TAFA5: variants seen among roughly 807,000 people sequenced by gnomAD.
TAFA5 encodes chemokine-like protein TAFA-5.
A neutral mutation model predicts 15.3 loss-of-function variants in TAFA5; 6 were observed. That is an observed-to-expected ratio of 0.39 (90% CI 0.21 to 0.77). TAFA5 has a LOEUF of 0.77. TAFA5 is among the 30% of genes least tolerant of loss of function. The pLI, the probability that TAFA5 is intolerant of heterozygous loss-of-function variation, is 0.41. For synonymous variants in TAFA5, 103 were observed against 80.7 expected (o/e 1.28, Z -1.48); for missense variants, 161 against 193.1 (o/e 0.83, Z 0.98).
chr22:48,693,365 C>A, intron 2 of TAFA5: 1 of 1,612,602 alleles, frequency 6.2e-7, no homozygotes, highest in Non-Finnish European at 8.5e-7. Flanking sequence ...AAATGTACCA[C>A]CACCGGGAAT....
chr22:48,746,419 A>G (rs1031236231), intron 3 of TAFA5, among the ~76,000 whole-genome samples: 4 of 152,212 alleles, frequency 2.6e-5, no homozygotes. Context: ...GCTTGAGCCC[A>G]GGAGTTCAAG....
intron 2 of TAFA5, among the ~76,000 whole-genome samples, chr22:48,705,893 G>T (rs1188572961): frequency 6.6e-6 from 1 of 152,218 alleles, no homozygotes; most frequent in Non-Finnish European, 1.5e-5. Context: ...CAGGTATCCT[G>T]GGGAACTACA....
chr22:48,697,182 C>T (rs1004532212), intron 2 of TAFA5, among the ~76,000 whole-genome samples: 1 of 152,198 alleles, frequency 6.6e-6, no homozygotes, highest in African/African-American at 2.4e-5. Context: ...TATTATCCCT[C>T]TCTGAACCCC....
chr22:48,695,263 C>G (rs1188325735), intron 2 of TAFA5, among the ~76,000 whole-genome samples: 4 of 152,158 alleles, frequency 2.6e-5, no homozygotes, highest in African/African-American at 4.8e-5. Flanking sequence ...CCAGCCAGAT[C>G]TGGGAGACTC....
At chr22:48,590,551 T>C (rs1924530624) in intron 1 of TAFA5, among the ~76,000 whole-genome samples, 1 of 152,080 alleles carries the variant, frequency 6.6e-6, no homozygotes, top group Admixed American at 6.5e-5. Flanking sequence ...TTCTCGAGCA[T>C]CTCCTAAACA....
intron 3 of TAFA5, among the ~76,000 whole-genome samples, chr22:48,715,832 A>G (rs1929386462): frequency 6.6e-6 from 1 of 152,272 alleles, no homozygotes; most frequent in East Asian, 1.9e-4. Flanking sequence ...GCCTGGCAGT[A>G]GACAAGTGGG....
chr22:48,513,461 C>T (rs945722666), intron 1 of TAFA5, among the ~76,000 whole-genome samples: 1 of 149,246 alleles, frequency 6.7e-6, no homozygotes. Flanking sequence ...GCTCTAAGAG[C>T]CCCCCCAATA....
intron 1 of TAFA5, among the ~76,000 whole-genome samples, chr22:48,594,574 G>A (rs867407251): frequency 3.9e-5 from 6 of 151,992 alleles, no homozygotes; most frequent in Admixed American, 6.6e-5. Flanking sequence ...GAGCAGCCCC[G>A]GTGTGATGAT....
intron 1 of TAFA5, among the ~76,000 whole-genome samples, chr22:48,593,939 C>T (rs531149247): frequency 1.3e-5 from 2 of 152,208 alleles, no homozygotes; most frequent in Non-Finnish European, 2.9e-5. Context: ...ATCAGTGTGT[C>T]GGCTCTCATT....
intron 1 of TAFA5, among the ~76,000 whole-genome samples, chr22:48,532,277 G>C (rs983424097): frequency 1.3e-5 from 2 of 152,198 alleles, no homozygotes; most frequent in Admixed American, 6.5e-5. Flanking sequence ...TACGGAGGCC[G>C]CACGTCTAAT....
chr22:48,513,227 G>A (rs1921287670), intron 1 of TAFA5, among the ~76,000 whole-genome samples: 1 of 152,224 alleles, frequency 6.6e-6, no homozygotes, highest in South Asian at 2.1e-4. Flanking sequence ...GGTGATAAGA[G>A]CTGGAAACTG....
rs931677984 is a variant in TAFA5 at position 48,530,277 on chromosome 22, G to A, written c.112+40573G>A. Reference sequence around the variant, plus strand: ...CGAGCATGGTCGTCTGACAAATGGGGCATCAGGAGTCTTGGTGCTGCCTGT... The same window carrying A: ...CGAGCATGGTCGTCTGACAAATGGGACATCAGGAGTCTTGGTGCTGCCTGT... On this transcript the variant is annotated intron_variant, in intron 1 of 3. Coordinates refer to ENST00000402357, the MANE Select transcript of TAFA5 (RefSeq NM_001082967.3). This position sits in a 1 kb window ranked among gnomAD's most constrained non-coding sequence, Gnocchi z 6.0. Among the ~76,000 whole-genome samples, 3 of 152,192 alleles carry A rather than the reference G, an allele frequency of 2.0e-5. No homozygotes were observed. Among genetic ancestry groups the A allele is most frequent in the Non-Finnish European group, 4.4e-5 (3 of 68,028 alleles).
In TAFA5 at chr22:48,490,206, C is replaced by A. The variant is rs188946436; in HGVS notation, c.112+502C>A. Among the ~76,000 whole-genome samples the A allele has an allele frequency of 1.3e-5, 2 of 152,260 alleles. No individual in the cohort carries two copies. The highest frequency in any genetic ancestry group is 2.9e-5 in the Non-Finnish European group (2 of 67,996). Reference sequence around the variant, plus strand: ...CCTGGGCTCGGAGGAGCAGCTGGAGCTTCCGCTTTCCCGGGAAACGGGCTC... The same window carrying A: ...CCTGGGCTCGGAGGAGCAGCTGGAGATTCCGCTTTCCCGGGAAACGGGCTC... On this transcript the variant is annotated intron_variant, in intron 1 of 3. Transcript: ENST00000402357. This position sits in a 1 kb window ranked among gnomAD's most constrained non-coding sequence, Gnocchi z 5.8.
chr22:48,519,255 C>T (rs1024351398), intron 1 of TAFA5, among the ~76,000 whole-genome samples: 1 of 152,228 alleles, frequency 6.6e-6, no homozygotes, highest in Non-Finnish European at 1.5e-5. Context: ...ATTTAAATTT[C>T]ATTACATATT....
intron 1 of TAFA5, among the ~76,000 whole-genome samples, chr22:48,627,091 G>A (rs746435013): frequency 6.6e-6 from 1 of 152,162 alleles, no homozygotes; most frequent in Non-Finnish European, 1.5e-5. Flanking sequence ...GTAATCTGCC[G>A]GGATACACAC....
rs573271310 is a variant in TAFA5 at position 48,575,329 on chromosome 22, G to A, written c.113-71268G>A. Among the ~76,000 whole-genome samples, 10 of 151,210 alleles carry A rather than the reference G, an allele frequency of 6.6e-5. No homozygotes were observed. In the South Asian group the frequency reaches 1.7e-3, roughly 25 times the overall value. On this transcript the variant is annotated intron_variant, in intron 1 of 3. Transcript: ENST00000402357. ...CCAGGCGGGGGCGCTGCAGGGCGGG[G>A]TCCCCGGGGTCCCTCGCGGCCCAGT... is the stretch of plus-strand genomic sequence containing the variant.
chr22:48,743,787 C>T (rs949925386), intron 3 of TAFA5, among the ~76,000 whole-genome samples: 1 of 152,222 alleles, frequency 6.6e-6, no homozygotes, highest in South Asian at 2.1e-4. Context: ...TTCGTCTTTG[C>T]CGCCCTCCTG....
chr22:48,519,549 C>G (rs1227956720), intron 1 of TAFA5, among the ~76,000 whole-genome samples: 1 of 149,570 alleles, frequency 6.7e-6, no homozygotes, highest in Non-Finnish European at 1.5e-5. Flanking sequence ...AATGCAGACT[C>G]GGGGTGTGGG....
At chr22:48,638,892 C>A (rs1926570387) in intron 1 of TAFA5, among the ~76,000 whole-genome samples, 1 of 119,310 alleles carries the variant, frequency 8.4e-6, no homozygotes, top group Non-Finnish European at 1.7e-5. Context: ...ACAGGCGGGA[C>A]CCCCCCCCAT....
Sources: gnomAD v4.1 joint callset for allele counts (sites outside exome capture counted in the v4.1 genomes callset) on GRCh38, gnomAD v4.1.1 for gene constraint, Gnocchi (gnomAD v3.1) non-coding constraint, MANE v1.5 for transcripts, NCBI Gene and HGNC (gene_info 2026-07-23, HGNC 2026-07-21) for gene names.